Variants in NAV3 observed in about 807,000 individuals in gnomAD.
NAV3 encodes the protein pore membrane and/or filament interacting like protein 1.
NAV3 carries 87 observed loss-of-function variants against 244.7 expected under a neutral mutation model. That is an observed-to-expected ratio of 0.36 (90% CI 0.30 to 0.42). The LOEUF (loss-of-function observed/expected upper bound fraction) is 0.42. NAV3 is among the 20% of genes least tolerant of loss of function. NAV3 has a pLI of 1.00. For missense variants in NAV3, 2,663 were observed against 2,893.3 expected (o/e 0.92, Z 1.83); for synonymous variants, 1,126 against 1,042.2 (o/e 1.08, Z -1.55).
At chr12:77,945,787 G>T (rs753713646) in intron 3 of NAV3, among the ~76,000 whole-genome samples, 3 of 151,658 alleles carry the variant, frequency 2.0e-5, no homozygotes, top group Non-Finnish European at 4.4e-5. Context: ...TCGCTGTGTC[G>T]CCCAAGCTGG....
chr12:78,022,567 T>C (rs1877338547), intron 9 of NAV3, among the ~76,000 whole-genome samples: 1 of 152,038 alleles, frequency 6.6e-6, no homozygotes, highest in East Asian at 1.9e-4. Context: ...TGCATGAAAG[T>C]AGGGGTGTGT....
At chr12:78,000,435 T>A (rs1197399964) in intron 7 of NAV3, among the ~76,000 whole-genome samples, 1 of 152,074 alleles carries the variant, frequency 6.6e-6, no homozygotes, top group African/African-American at 2.4e-5. Context: ...TGTCATGCTG[T>A]ATTTCCAAAA....
chr12:77,830,543 G>A (rs955784449), upstream of NAV3, among the ~76,000 whole-genome samples: 1 of 152,134 alleles, frequency 6.6e-6, no homozygotes, highest in Non-Finnish European at 1.5e-5. Flanking sequence ...TTAAATTTGG[G>A]AACAATGATT....
rs1955688831 is a variant in NAV3, at chr12:78,122,008, C to T, written c.3818C>T (p.Ser1273Leu). 1 of 1,614,196 alleles carries T rather than the reference C, an allele frequency of 6.2e-7. No individual in the cohort carries two copies. The change falls in exon 16 of 40, where the codon TCA becomes TTA. Residue 1273 changes from serine to leucine, a missense_variant. By Grantham distance (145) the Ser-to-Leu change is moderately radical. Coordinates refer to ENST00000397909, the MANE Select transcript of NAV3 (RefSeq NM_001024383.2). ...APNTEGVKSS[S>L]VMPSPSTTLA... ...AATACTGAGGGTGTGAAATCTTCCT[C>T]AGTAATGCCCAGCCCTAGTACCACA...
chr12:77,882,332 G>C (rs1237360531), intron 1 of NAV3, among the ~76,000 whole-genome samples: 1 of 152,122 alleles, frequency 6.6e-6, no homozygotes, highest in Non-Finnish European at 1.5e-5. Context: ...AGTGGGGAAA[G>C]GACTCTCTAT....
intron 1 of NAV3, among the ~76,000 whole-genome samples, chr12:77,913,357 G>C (rs546352482): frequency 6.6e-6 from 1 of 151,906 alleles, no homozygotes; most frequent in African/African-American, 2.4e-5. Context: ...GTAAATGTTA[G>C]AACTGTTTAG....
chr12:78,151,542 T>G (rs2139276597), intron 22 of NAV3, among the ~76,000 whole-genome samples: 1 of 152,088 alleles, frequency 6.6e-6, no homozygotes, highest in South Asian at 2.1e-4. Context: ...GAAGGTCAAA[T>G]TTTGTATAAT....
At chr12:77,961,656 T>TAATTGCATA (rs1491216439) in intron 3 of NAV3, among the ~76,000 whole-genome samples, 5 of 141,722 alleles carry the variant, frequency 3.5e-5, no homozygotes, top group African/African-American at 1.3e-4. Flanking sequence ...ATTATTACAT[T>TAATTGCATA]ATATATATTA....
intron 30 of NAV3, among the ~76,000 whole-genome samples, chr12:78,183,942 T>C (rs1958603551): frequency 6.6e-6 from 1 of 151,856 alleles, no homozygotes; most frequent in African/African-American, 2.4e-5. Context: ...CTCAGGGTTT[T>C]GCACTGTTTT....
intron 12 of NAV3, among the ~76,000 whole-genome samples, chr12:78,098,242 A>T (rs1016128289): frequency 2.0e-5 from 3 of 152,048 alleles, no homozygotes; most frequent in Non-Finnish European, 4.4e-5. Context: ...GTTTTTTAAA[A>T]ATTAAAAATT....
At chr12:78,144,104 A>G (rs114794303) in intron 20 of NAV3, among the ~76,000 whole-genome samples, 1,675 of 152,268 alleles carry the variant, frequency 0.011, 26 homozygotes, top group African/African-American at 0.037. Flanking sequence ...CCTGCAATAG[A>G]TGTTTTTTGA....
chr12:77,935,671 T>G (rs1335332191), intron 1 of NAV3, among the ~76,000 whole-genome samples: 1 of 152,192 alleles, frequency 6.6e-6, no homozygotes, highest in Non-Finnish European at 1.5e-5. Flanking sequence ...GTTTTCACAC[T>G]GCTATAAAGA....
At chr12:78,011,095 T>C (rs893425483) in intron 8 of NAV3, among the ~76,000 whole-genome samples, 2 of 152,168 alleles carry the variant, frequency 1.3e-5, no homozygotes, top group Non-Finnish European at 2.9e-5. Context: ...TAAGACAAAA[T>C]GTCAAGAATT....
intron 1 of NAV3, among the ~76,000 whole-genome samples, chr12:77,838,853 A>G (rs1520727): frequency 0.68 from 103,597 of 152,132 alleles, 40,360 homozygotes; most frequent in Non-Finnish European, 0.88. Flanking sequence ...CTGGACTTCA[A>G]TCTCTGTATT....
chr12:77,913,491 G>A (rs1298227236), intron 1 of NAV3, among the ~76,000 whole-genome samples: 1 of 151,970 alleles, frequency 6.6e-6, no homozygotes, highest in East Asian at 1.9e-4. Flanking sequence ...GGAGTGCAGT[G>A]GCGCAATCTC....
chr12:77,593,818 A>G (rs1870038060), intron 2 of NAV3, among the ~76,000 whole-genome samples: 1 of 151,546 alleles, frequency 6.6e-6, no homozygotes, highest in Admixed American at 6.6e-5. Context: ...TTTTAGATGA[A>G]AGGAAGAGAA....
At chr12:78,145,142 T>C in intron 20 of NAV3, 1 of 223,478 alleles carries the variant, frequency 4.5e-6, no homozygotes, top group Non-Finnish European at 9.3e-6. Flanking sequence ...AAAAATAAAA[T>C]CTTTCCTTAA....
At chr12:77,918,812 T>C (rs981620125) in intron 1 of NAV3, among the ~76,000 whole-genome samples, 1 of 152,018 alleles carries the variant, frequency 6.6e-6, no homozygotes, top group African/African-American at 2.4e-5. Flanking sequence ...ATCGTACAAG[T>C]GATTTTCCAG....
intron 1 of NAV3, among the ~76,000 whole-genome samples, chr12:77,854,911 A>C (rs767374193): frequency 8.5e-5 from 13 of 152,180 alleles, no homozygotes; most frequent in Non-Finnish European, 1.5e-5. Context: ...GCAGATCACG[A>C]GGTCAGGAGA....
Sources: gnomAD v4.1 joint callset for allele counts (sites outside exome capture counted in the v4.1 genomes callset) on GRCh38, gnomAD v4.1.1 for gene constraint, MANE v1.5 for transcripts, NCBI Gene and HGNC (gene_info 2026-07-23, HGNC 2026-07-21) for gene names.